CTNNA3: variants seen among roughly 807,000 people sequenced by gnomAD.
CTNNA3 encodes the protein catenin alpha-3.
CTNNA3 carries 76 observed loss-of-function variants against 95.7 expected under a neutral mutation model. The observed-to-expected ratio is 0.79, with a 90% CI of 0.66 to 0.96. CTNNA3 has a LOEUF of 0.96. CTNNA3 is among the 40% of genes least tolerant of loss of function. The probability of loss-of-function intolerance (pLI) is 0.00; values close to 1 mark genes in which losing one functional copy is unlikely to be tolerated. For missense variants in CTNNA3, 1,191 were observed against 1,089.8 expected (o/e 1.09, Z -1.31); for synonymous variants, 431 against 374.4 (o/e 1.15, Z -1.74).
chr10:66,076,415 G>T (rs935061311), intron 14 of CTNNA3, among the ~76,000 whole-genome samples: 1 of 151,598 alleles, frequency 6.6e-6, no homozygotes, highest in African/African-American at 2.4e-5. Flanking sequence ...ATATTCCTGA[G>T]AATTCATTAA....
At chr10:67,049,994 A>G (rs1157319101) in intron 7 of CTNNA3, among the ~76,000 whole-genome samples, 2 of 152,228 alleles carry the variant, frequency 1.3e-5, no homozygotes, top group Non-Finnish European at 2.9e-5. Context: ...GTATTATTTA[A>G]TGCAGTATCC....
intron 13 of CTNNA3, among the ~76,000 whole-genome samples, chr10:66,242,196 A>T (rs920281313): frequency 6.6e-6 from 1 of 152,208 alleles, no homozygotes; most frequent in Non-Finnish European, 1.5e-5. Flanking sequence ...CTTAGCCTCC[A>T]TAACTGTAAA....
chr10:67,567,399 T>A (rs997452754), intron 3 of CTNNA3, among the ~76,000 whole-genome samples: 3 of 151,894 alleles, frequency 2.0e-5, no homozygotes, highest in Non-Finnish European at 4.4e-5. Flanking sequence ...TATAAATGAA[T>A]GTAGAAAGTG....
At chr10:66,324,309 G>T (rs2092227058) in intron 12 of CTNNA3, among the ~76,000 whole-genome samples, 1 of 152,064 alleles carries the variant, frequency 6.6e-6, no homozygotes, top group Non-Finnish European at 1.5e-5. Context: ...AACAGAGCGA[G>T]ACTGCATCTC....
chr10:66,949,498 C>T (rs1848430983), intron 7 of CTNNA3, among the ~76,000 whole-genome samples: 1 of 151,564 alleles, frequency 6.6e-6, no homozygotes, highest in African/African-American at 2.4e-5. Flanking sequence ...GCGGAGGTTG[C>T]AGTGAGCCAA....
intron 11 of CTNNA3, among the ~76,000 whole-genome samples, chr10:66,439,214 A>T (rs982314088): frequency 7.2e-5 from 11 of 152,206 alleles, no homozygotes; most frequent in African/African-American, 2.4e-4. Flanking sequence ...AAGATAAAAT[A>T]CTTATAAAGA....
At chr10:67,206,719 C>T (rs1363599918) in intron 6 of CTNNA3, among the ~76,000 whole-genome samples, 3 of 149,646 alleles carry the variant, frequency 2.0e-5, no homozygotes, top group Non-Finnish European at 3.0e-5. Context: ...CTAGAGCCTG[C>T]ACCTGATTCT....
At chr10:66,208,841 G>T (rs534393589) in intron 13 of CTNNA3, among the ~76,000 whole-genome samples, 173 of 152,012 alleles carry the variant, frequency 1.1e-3, no homozygotes, top group African/African-American at 4.1e-3. Context: ...ATAACATGAG[G>T]ATTTCTTCCA....
At chr10:66,415,978 T>C (rs983377981) in intron 11 of CTNNA3, among the ~76,000 whole-genome samples, 2 of 152,156 alleles carry the variant, frequency 1.3e-5, no homozygotes, top group Admixed American at 1.3e-4. Context: ...ATGGAATTCA[T>C]AAAATCCTAG....
chr10:66,870,891 C>T (rs749978948), intron 7 of CTNNA3, among the ~76,000 whole-genome samples: 1 of 152,088 alleles, frequency 6.6e-6, no homozygotes, highest in Admixed American at 6.5e-5. Context: ...GGAACACCCT[C>T]ACCATTGTCC....
chr10:67,320,175 T>C (rs980609571), intron 5 of CTNNA3, among the ~76,000 whole-genome samples: 95 of 152,276 alleles, frequency 6.2e-4, no homozygotes, highest in African/African-American at 2.3e-3. Context: ...AAGCCAGACT[T>C]TTGAAGCTCA....
At chr10:67,064,917 G>A (rs556456521) in intron 7 of CTNNA3, among the ~76,000 whole-genome samples, 3 of 152,256 alleles carry the variant, frequency 2.0e-5, no homozygotes, top group Non-Finnish European at 2.9e-5. Flanking sequence ...AAAGTTATAT[G>A]AGGCAAGAAG....
At chr10:66,421,968 C>T (rs1206424686) in intron 11 of CTNNA3, among the ~76,000 whole-genome samples, 4 of 136,312 alleles carry the variant, frequency 2.9e-5, no homozygotes, top group Admixed American at 7.5e-5. Context: ...GAAATGAATC[C>T]TGCTGATATC....
At chr10:67,563,166 G>A (rs893321937) in intron 3 of CTNNA3, among the ~76,000 whole-genome samples, 2 of 152,094 alleles carry the variant, frequency 1.3e-5, no homozygotes, top group African/African-American at 2.4e-5. Flanking sequence ...AACCAAAAAA[G>A]AGCCCGCATC....
At chr10:66,693,928 A>C (rs964432805) in intron 9 of CTNNA3, among the ~76,000 whole-genome samples, 8 of 152,146 alleles carry the variant, frequency 5.3e-5, no homozygotes, top group African/African-American at 1.7e-4. Flanking sequence ...ACAAAGACAC[A>C]ACATACCAGA....
intron 10 of CTNNA3, among the ~76,000 whole-genome samples, chr10:66,555,854 C>T (rs1169801417): frequency 6.6e-6 from 1 of 151,802 alleles, no homozygotes; most frequent in Non-Finnish European, 1.5e-5. Flanking sequence ...CAAACAAGAG[C>T]ACAAATAAAC....
intron 7 of CTNNA3, chr10:66,926,325 C>A: frequency 1.4e-5 from 7 of 506,470 alleles, no homozygotes; most frequent in Admixed American, 3.2e-5. Flanking sequence ...AACGTAATAT[C>A]CATGAAGATC....
intron 7 of CTNNA3, among the ~76,000 whole-genome samples, chr10:67,053,975 AG>A (rs1029025297): frequency 3.3e-5 from 5 of 151,886 alleles, no homozygotes; most frequent in African/African-American, 1.2e-4. Flanking sequence ...CATATATCTT[AG>A]GAAAAGTAAC....
At chr10:67,519,948 C>T (rs1022264964) in intron 5 of CTNNA3, among the ~76,000 whole-genome samples, 1 of 152,114 alleles carries the variant, frequency 6.6e-6, no homozygotes, top group African/African-American at 2.4e-5. Flanking sequence ...TGTTCTGACC[C>T]TTTGACCCTG....
Sources: allele counts gnomAD v4.1 joint callset (sites outside exome capture counted in the v4.1 genomes callset), GRCh38; gene constraint gnomAD v4.1.1; transcripts MANE v1.5; gene names NCBI Gene and HGNC (gene_info 2026-07-23, HGNC 2026-07-21).